The following NOC3L variants were observed in gnomAD, a reference collection of about 807,000 sequenced individuals.
NOC3L encodes the protein nucleolar complex protein 3 homolog.
NOC3L carries 85 observed loss-of-function variants against 102.5 expected under a neutral mutation model. That is an observed-to-expected ratio of 0.83 (90% CI 0.70 to 0.99). The LOEUF is 0.99. NOC3L is among the 50% of genes least tolerant of loss of function. The pLI, the probability that NOC3L is intolerant of heterozygous loss-of-function variation, is 0.00. For missense variants in NOC3L, 878 were observed against 914.9 expected, an observed-to-expected ratio of 0.96 and a Z score of 0.52; for synonymous variants, 303 against 309.4, an observed-to-expected ratio of 0.98 and a Z score of 0.22.
chr10:94,325,793 C>A, the NOC3L span: 1 of 152,088 alleles, frequency 6.6e-6, no homozygotes, highest in Non-Finnish European at 1.5e-5. Flanking sequence ...TTCAAGGGCT[C>A]TATGGATCAT....
the NOC3L span, among the ~76,000 whole-genome samples, chr10:94,318,360 AAAGT>A: frequency 1.3e-5 from 2 of 152,342 alleles, no homozygotes; most frequent in East Asian, 3.9e-4. Context: ...CTACATGTAA[AAAGT>A]ATGTATCCTC....
At chr10:94,335,118 G>A (rs2054203887) in intron 19 of NOC3L, among the ~76,000 whole-genome samples, 1 of 152,172 alleles carries the variant, frequency 6.6e-6, no homozygotes, top group Admixed American at 6.5e-5. Flanking sequence ...CTACTGGCCT[G>A]GATGAAAAAC....
chr10:94,349,962 G>T, intron 9 of NOC3L, 151 bp downstream of exon 9: 1 of 610,242 alleles, frequency 1.6e-6, no homozygotes, highest in Non-Finnish European at 2.8e-6. Flanking sequence ...GTTTCACCAT[G>T]TTAGCTGGGG....
chr10:94,339,421 T>C (rs1276901809), intron 17 of NOC3L, among the ~76,000 whole-genome samples: 1 of 152,222 alleles, frequency 6.6e-6, no homozygotes, highest in Non-Finnish European at 1.5e-5. Context: ...GTAGAATATA[T>C]AGCATAATCC....
In NOC3L at chr10:94,355,073, G is replaced by C. The variant is rs906176449; in HGVS notation, c.586C>G (p.Gln196Glu). 3 of 1,611,860 alleles carry C rather than the reference G, an allele frequency of 1.9e-6. No homozygotes were observed. The East Asian group carries it at 6.7e-5, about 36-fold the overall frequency. Residue 196 changes from glutamine to glutamate, a missense_variant, in exon 6 of 21, where the codon CAA (glutamine) becomes GAA (glutamate). Transcript: ENST00000371361. ...LEEEIIEDPI[Q>E]ELTIEEHLIE... is the part of the protein sequence containing the mutation. ...AAATGTTCTTCTATGGTCAGCTCTT[G>C]AATAGGATCTTCAATGATCTCTAAA...
Position 94,339,986 on chromosome 10 carries a change from C to A in NOC3L, c.1781-66G>T, listed in dbSNP as rs1177073743. On this transcript the variant is annotated intron_variant, in intron 16 of 20. Coordinates refer to ENST00000371361, the MANE Select transcript of NOC3L (RefSeq NM_022451.11). ...TTTTTCATTACGCAACTGGACTGAA[C>A]TTCAGATAAACCCAAGATAAACTTT... 5 of 1,377,634 alleles carry A rather than the reference C, an allele frequency of 3.6e-6. No individual in the cohort carries two copies. In the East Asian group the frequency reaches 9.2e-5, roughly 25 times the overall value. 85.3% of individuals were successfully genotyped at this position (1,377,634 alleles called of 1,614,324 possible).
At chr10:94,321,995 C>T in the NOC3L span, 2 of 1,614,010 alleles carry the variant, frequency 1.2e-6, no homozygotes, top group East Asian at 2.2e-5. Context: ...GATGTTTCTC[C>T]AGAGCAACCT....
At chr10:94,359,040 C>T (rs2054521477) in intron 2 of NOC3L, among the ~76,000 whole-genome samples, 1 of 151,964 alleles carries the variant, frequency 6.6e-6, no homozygotes, top group Non-Finnish European at 1.5e-5. Flanking sequence ...AAGTGCCAGG[C>T]ACTATTTGAA....
chr10:94,341,059 C>T (rs982658917), intron 14 of NOC3L, among the ~76,000 whole-genome samples: 9 of 151,462 alleles, frequency 5.9e-5, no homozygotes, highest in African/African-American at 2.2e-4. Flanking sequence ...GTAGTCCCAG[C>T]TACTCAAAAG....
chr10:94,358,909 G>T (rs2054518822), intron 2 of NOC3L, among the ~76,000 whole-genome samples: 1 of 151,886 alleles, frequency 6.6e-6, no homozygotes, highest in Non-Finnish European at 1.5e-5. Context: ...CAACACTTCA[G>T]GCACTCACAT....
chr10:94,349,312 G>C lies in NOC3L; in HGVS notation c.1195C>G (p.Leu399Val). Residue 399 changes from leucine to valine, a missense_variant, in exon 10 of 21, where the codon CTT (leucine) becomes GTT (valine). By Grantham distance (32) the Leu-to-Val change is conservative. Transcript: ENST00000371361. ...CCAGAAATCACTTTAATTACACCAA[G>C]AGAAGCTTGGCCTAATTTATCTTGC... is the stretch of plus-strand genomic sequence containing the variant. ...FKQDKLGQASLGVIKVISGFV... is the reference protein window; with the variant it reads ...FKQDKLGQASVGVIKVISGFV... 1 of 1,584,562 alleles carries C rather than the reference G, an allele frequency of 6.3e-7. No individual in the cohort carries two copies. The highest frequency in any genetic ancestry group is 8.5e-7 in the Non-Finnish European group (1 of 1,170,202).
the NOC3L span, chr10:94,324,402 C>A: frequency 6.2e-7 from 1 of 1,614,142 alleles, no homozygotes; most frequent in Non-Finnish European, 8.5e-7. Context: ...CCAATCCAAG[C>A]GACTATGTGC....
the NOC3L span, among the ~76,000 whole-genome samples, chr10:94,317,408 A>G: frequency 7.9e-5 from 12 of 152,240 alleles, no homozygotes; most frequent in Admixed American, 7.8e-4. Context: ...GTGTGAAAAG[A>G]CATCGTTGTG....
intron 11 of NOC3L, among the ~76,000 whole-genome samples, chr10:94,345,846 T>C (rs1435247945): frequency 6.6e-6 from 1 of 152,132 alleles, no homozygotes; most frequent in African/African-American, 2.4e-5. Flanking sequence ...ACAATAATAG[T>C]GATGATGGTG....
At chr10:94,341,871 G>A (rs1214178289) in intron 13 of NOC3L, 126 bp from the exon 14 acceptor site, 4 of 512,954 alleles carry the variant, frequency 7.8e-6, no homozygotes, top group African/African-American at 4.0e-5. Flanking sequence ...TGAAAGACAT[G>A]GCAATTATTG....
intron 14 of NOC3L, 51 bp downstream of exon 14, chr10:94,341,620 TAA>T: frequency 1.0e-6 from 1 of 968,544 alleles, no homozygotes; most frequent in Non-Finnish European, 1.5e-6. Context: ...GAAAAATTTT[TAA>T]AATAGTAATT....
the NOC3L span, chr10:94,325,009 A>G: frequency 6.2e-7 from 1 of 1,614,204 alleles, no homozygotes; most frequent in South Asian, 1.1e-5. Context: ...GACCTCAGAA[A>G]GTATCCAAAC....
intron 6 of NOC3L, 31 bp downstream of exon 6, chr10:94,354,930 TAC>T: frequency 1.2e-6 from 2 of 1,603,480 alleles, no homozygotes; most frequent in Non-Finnish European, 1.7e-6. Flanking sequence ...CCATACCTAA[TAC>T]AAAGAGCCTA....
chr10:94,353,087 G>C (rs751816229), intron 6 of NOC3L, 30 bp from the exon 7 acceptor site: 64 of 1,553,628 alleles, frequency 4.1e-5, no homozygotes, highest in Non-Finnish European at 5.4e-5. Context: ...TAAAGCTGGA[G>C]AAATCATGAC....
Sources: gnomAD v4.1 joint callset for allele counts (sites outside exome capture counted in the v4.1 genomes callset) on GRCh38, gnomAD v4.1.1 for gene constraint, MANE v1.5 for transcripts, NCBI Gene and HGNC (gene_info 2026-07-23, HGNC 2026-07-21) for gene names.